The following DOK6 variants were observed in gnomAD, a reference collection of about 807,000 sequenced individuals.
DOK6 encodes the protein downstream of tyrosine kinase 6.
Under a neutral mutation model 44.0 loss-of-function variants are expected in DOK6, and 22 were observed. That is an observed-to-expected ratio of 0.50 (90% CI 0.36 to 0.71). The LOEUF (loss-of-function observed/expected upper bound fraction) is 0.71, where lower values mean the gene tolerates loss of function less well. Among genes scored for constraint, DOK6 ranks in the 30% least tolerant of loss-of-function variants. DOK6 has a pLI of 0.00. For missense variants in DOK6, 340 were observed against 416.4 expected, an observed-to-expected ratio of 0.82 and a Z score of 1.60; for synonymous variants, 166 against 145.5, an observed-to-expected ratio of 1.14 and a Z score of -1.01.
At chr18:69,447,878 C>G (rs1979341647) in intron 1 of DOK6, among the ~76,000 whole-genome samples, 1 of 152,146 alleles carries the variant, frequency 6.6e-6, no homozygotes, top group African/African-American at 2.4e-5. Flanking sequence ...CTGTTATATT[C>G]CTTATCTCAG....
chr18:69,646,088 G>T (rs1185211599), intron 3 of DOK6, among the ~76,000 whole-genome samples: 3 of 152,016 alleles, frequency 2.0e-5, no homozygotes, highest in African/African-American at 7.2e-5. Context: ...GTATATCTAG[G>T]AATCAATGAT....
rs537425849 is a variant in DOK6, at chr18:69,847,769, A to ACATATATATATATAT, written c.*6386_*6387insCATATATATATATAT. On this transcript the variant is annotated 3_prime_UTR_variant, in exon 8 of 8. Transcript: ENST00000382713. ...AAATAATGCTTACTCTTGTAAAAAA[A>ACATATATATATATAT]AAAAATATATATATATGTATCAGCA... The ACATATATATATATAT allele has an allele frequency of 9.9e-5, 4 of 40,358 alleles. No homozygotes were observed. The highest frequency in any genetic ancestry group is 2.2e-4 in the African/African-American group (4 of 18,436). 2.5% of individuals were successfully genotyped at this position (40,358 alleles called of 1,614,324 possible). A position where few individuals can be genotyped will look rare whatever the true frequency, so the allele number is the denominator to read the frequency against.
chr18:69,665,412 A>C (rs1288338930), intron 3 of DOK6, among the ~76,000 whole-genome samples: 1 of 152,150 alleles, frequency 6.6e-6, no homozygotes, highest in Non-Finnish European at 1.5e-5. Context: ...GATTATTTGT[A>C]CCTAATTATA....
chr18:69,645,712 A>C (rs906246884), intron 3 of DOK6, among the ~76,000 whole-genome samples: 4 of 152,176 alleles, frequency 2.6e-5, no homozygotes, highest in African/African-American at 7.2e-5. Context: ...TAGGTCTACA[A>C]AAAAAACCTT....
intron 7 of DOK6, among the ~76,000 whole-genome samples, chr18:69,811,737 T>C (rs1981245708): frequency 6.6e-6 from 1 of 151,908 alleles, no homozygotes; most frequent in Non-Finnish European, 1.5e-5. Context: ...TGGGTGATTC[T>C]GATATATGCT....
At chr18:69,531,770 A>G (rs1981992068) in intron 1 of DOK6, among the ~76,000 whole-genome samples, 1 of 152,090 alleles carries the variant, frequency 6.6e-6, no homozygotes, top group South Asian at 2.1e-4. Context: ...TATTGCCATT[A>G]CCTTGAAACA....
At chr18:69,500,435 G>T (rs1026249883) in intron 1 of DOK6, among the ~76,000 whole-genome samples, 13 of 151,906 alleles carry the variant, frequency 8.6e-5, no homozygotes, top group African/African-American at 2.9e-4. Context: ...CATTATACTG[G>T]CTCTCAGCTT....
chr18:69,604,659 T>G (rs940518226), intron 3 of DOK6, among the ~76,000 whole-genome samples: 1 of 152,154 alleles, frequency 6.6e-6, no homozygotes. Flanking sequence ...TCATGACACA[T>G]GCTGATCGGG....
At chr18:69,624,339 A>G in intron 3 of DOK6, among the ~76,000 whole-genome samples, 1 of 152,144 alleles carries the variant, frequency 6.6e-6, no homozygotes, top group Non-Finnish European at 1.5e-5. Flanking sequence ...TATCTGAAGT[A>G]TTTTTAAGAT....
At chr18:69,403,421 T>G (rs771270499) in intron 1 of DOK6, among the ~76,000 whole-genome samples, 42 of 152,218 alleles carry the variant, frequency 2.8e-4, no homozygotes, top group Admixed American at 2.6e-4. Context: ...TAACGATGTG[T>G]GCAAATGTAT....
chr18:69,738,900 G>T, intron 5 of DOK6, 65 bp from the exon 6 acceptor site: 3 of 1,578,902 alleles, frequency 1.9e-6, no homozygotes, highest in Non-Finnish European at 2.6e-6. Context: ...CTTTGTCTAC[G>T]TGGAAAACTG....
At chr18:69,447,269 A>G (rs945168824) in intron 1 of DOK6, among the ~76,000 whole-genome samples, 4 of 152,240 alleles carry the variant, frequency 2.6e-5, no homozygotes, top group African/African-American at 4.8e-5. Context: ...AGCTTTCTAC[A>G]TATGGCTAGC....
chr18:69,748,494 T>A (rs1383562324), intron 6 of DOK6, among the ~76,000 whole-genome samples: 3 of 152,176 alleles, frequency 2.0e-5, no homozygotes, highest in Non-Finnish European at 2.9e-5. Context: ...CCTCAGCAGA[T>A]GCAAAAGAAC....
chr18:69,830,057 T>A (rs745385698), intron 7 of DOK6, among the ~76,000 whole-genome samples: 1 of 152,138 alleles, frequency 6.6e-6, no homozygotes, highest in African/African-American at 2.4e-5. Flanking sequence ...AGCCAAATTA[T>A]ATAATTTCAC....
intron 1 of DOK6, among the ~76,000 whole-genome samples, chr18:69,492,001 A>G (rs559500625): frequency 3.3e-5 from 5 of 152,320 alleles, no homozygotes; most frequent in South Asian, 2.1e-4. Flanking sequence ...TATTATGGCT[A>G]TATCTGTTAC....
intron 1 of DOK6, among the ~76,000 whole-genome samples, chr18:69,513,320 A>G (rs1305183416): frequency 6.6e-6 from 1 of 152,224 alleles, no homozygotes. Context: ...CCTGACTGCT[A>G]ATACTGAACT....
intron 7 of DOK6, among the ~76,000 whole-genome samples, chr18:69,827,007 T>A (rs1981759981): frequency 6.6e-6 from 1 of 152,144 alleles, no homozygotes; most frequent in South Asian, 2.1e-4. Context: ...TTCTTTTTAA[T>A]CTCTGTACTA....
At chr18:69,463,763 G>A (rs4243309) in intron 1 of DOK6, among the ~76,000 whole-genome samples, 2 of 151,710 alleles carry the variant, frequency 1.3e-5, no homozygotes, top group African/African-American at 4.8e-5. Context: ...GTGTGTGTCT[G>A]TGTGCATGTG....
chr18:69,701,190 T>G (rs4476267), intron 5 of DOK6, among the ~76,000 whole-genome samples: 87,935 of 151,946 alleles, frequency 0.58, 25,706 homozygotes, highest in East Asian at 0.82. Context: ...TTATATGCCA[T>G]AAGTCTCAAG....
Sources: allele counts gnomAD v4.1 joint callset (sites outside exome capture counted in the v4.1 genomes callset), GRCh38; gene constraint gnomAD v4.1.1; transcripts MANE v1.5; gene names NCBI Gene and HGNC (gene_info 2026-07-23, HGNC 2026-07-21).